Variants in KIRREL1 observed in about 807,000 individuals in gnomAD.
KIRREL1 encodes kirre like nephrin family adhesion molecule 1, also known as kin of IRRE-like protein 1.
Under a neutral mutation model 83.3 loss-of-function variants are expected in KIRREL1, and 25 were observed. The ratio of observed to expected loss-of-function variants is 0.30; its 90% CI spans 0.22 to 0.42. The LOEUF is 0.42. Ranked by LOEUF, KIRREL1 falls within the 10% of genes least tolerant of loss-of-function variation. The pLI is 1.00. For synonymous variants in KIRREL1, 388 were observed against 410.4 expected (o/e 0.95, Z 0.66); for missense variants, 812 against 1,032.3 (o/e 0.79, Z 2.92).
At chr1:158,052,875 C>T (rs1428366965) in intron 1 of KIRREL1, among the ~76,000 whole-genome samples, 1 of 152,132 alleles carries the variant, frequency 6.6e-6, no homozygotes, top group Non-Finnish European at 1.5e-5. Flanking sequence ...GAAGCTTTTA[C>T]TCATGGCAGA....
chr1:158,036,153 A>G (rs543402514), intron 1 of KIRREL1, among the ~76,000 whole-genome samples: 1 of 152,314 alleles, frequency 6.6e-6, no homozygotes, highest in South Asian at 2.1e-4. Flanking sequence ...TGACATTACA[A>G]TGCAAGTAGA....
chr1:158,039,679 T>C (rs192833599), intron 1 of KIRREL1, among the ~76,000 whole-genome samples: 1 of 152,342 alleles, frequency 6.6e-6, no homozygotes, highest in East Asian at 1.9e-4. Context: ...GCTCAGTTCT[T>C]TCCTTTTCCT....
intron 1 of KIRREL1, among the ~76,000 whole-genome samples, chr1:158,036,820 G>A (rs1238078562): frequency 2.6e-5 from 4 of 152,172 alleles, no homozygotes; most frequent in Non-Finnish European, 5.9e-5. Context: ...GTTTGGGGTG[G>A]ACAGCAAGCT....
chr1:158,027,724 T>G (rs1371045282), intron 1 of KIRREL1, among the ~76,000 whole-genome samples: 1 of 152,190 alleles, frequency 6.6e-6, no homozygotes, highest in Non-Finnish European at 1.5e-5. Context: ...CACAGGTGTG[T>G]GGGGAAAATT....
In KIRREL1 at chr1:158,016,731, G is replaced by A. The variant is rs545145645; in HGVS notation, c.52+23003G>A. Among the ~76,000 whole-genome samples, 15 of 152,298 alleles carry A rather than the reference G, an allele frequency of 9.8e-5. No homozygotes were observed. In the South Asian group the frequency reaches 3.1e-3, roughly 32 times the overall value. ...TGCCTGGGATTAAGATTTTTCCATG[G>A]TTAATCTCCAAAGTGAGGAACCTAC... On this transcript the variant is annotated intron_variant, in intron 1 of 14. Coordinates refer to ENST00000359209, the MANE Select transcript of KIRREL1 (RefSeq NM_018240.7).
chr1:158,068,961 G>A (rs1039763923), intron 1 of KIRREL1, among the ~76,000 whole-genome samples: 8 of 152,182 alleles, frequency 5.3e-5, no homozygotes, highest in African/African-American at 1.4e-4. Flanking sequence ...AGTGGAGAGC[G>A]TGGGGACTGC....
At chr1:158,084,115 G>A (rs1029689772) in intron 3 of KIRREL1, among the ~76,000 whole-genome samples, 7 of 152,106 alleles carry the variant, frequency 4.6e-5, no homozygotes, top group African/African-American at 1.7e-4. Context: ...GGGCGACAGA[G>A]TGACACTCCA....
At chr1:158,004,571 T>G (rs1425803252) in intron 1 of KIRREL1, among the ~76,000 whole-genome samples, 1 of 152,222 alleles carries the variant, frequency 6.6e-6, no homozygotes, top group Non-Finnish European at 1.5e-5. Flanking sequence ...AACAGAGTGA[T>G]AGCACCCACT....
intron 1 of KIRREL1, among the ~76,000 whole-genome samples, chr1:158,026,052 G>A (rs1571546776): frequency 6.6e-6 from 1 of 152,046 alleles, no homozygotes; most frequent in Non-Finnish European, 1.5e-5. Context: ...GGTGGGAGGG[G>A]GCACACCTAT....
chr1:158,095,110 C>T lies in KIRREL1; in HGVS notation c.2264C>T (p.Thr755Ile). The T allele has an allele frequency of 6.3e-7, 1 of 1,597,168 alleles. No homozygotes were observed. Residue 755 changes from threonine (T) to isoleucine (I), a missense_variant, in exon 15 of 15, where the codon ACT becomes ATT. By Grantham distance (89) the Thr-to-Ile change is moderately conservative. Around this residue, in one of 3 missense-constraint regions of KIRREL1, gnomAD observed 334 missense variants for 383.7 expected, o/e 0.87. Transcript: ENST00000359209. ...YGQRFQQRMQ[T>I]HV is the part of the protein sequence containing the mutation. The stretch of plus-strand genomic sequence containing the variant: ...CAGCGATTCCAGCAGCGCATGCAGA[C>T]TCACGTGTAGGGGCCAGAGCCTGGC...
chr1:157,996,028 A>C (rs1429825596), intron 1 of KIRREL1, among the ~76,000 whole-genome samples: 2 of 140,820 alleles, frequency 1.4e-5, no homozygotes, highest in Non-Finnish European at 3.0e-5. Context: ...TGGGGCAGTG[A>C]GAGAGGAAAC....
At chr1:158,043,337 T>A (rs1349941036) in intron 1 of KIRREL1, among the ~76,000 whole-genome samples, 2 of 151,960 alleles carry the variant, frequency 1.3e-5, no homozygotes, top group Non-Finnish European at 2.9e-5. Context: ...ATGGAAAGAG[T>A]GGCGTAAGAA....
Position 158,082,543 on chromosome 1 carries a change from C to T in KIRREL1, c.353-1879C>T, listed in dbSNP as rs868116931. Among the ~76,000 whole-genome samples, 3 of 152,210 alleles carry T rather than the reference C, an allele frequency of 2.0e-5. No homozygotes were observed. In the South Asian group the frequency reaches 6.2e-4, roughly 32 times the overall value. On this transcript the variant is annotated intron_variant, in intron 3 of 14. Coordinates refer to ENST00000359209, the MANE Select transcript of KIRREL1 (RefSeq NM_018240.7). ...CTTCATTGTGTAAATTCTAGAACAG[C>T]CCTGTCCACCACTGGGCACCGTGGG...
intron 1 of KIRREL1, among the ~76,000 whole-genome samples, chr1:158,043,697 C>T (rs1453376292): frequency 6.6e-6 from 1 of 152,138 alleles, no homozygotes; most frequent in Non-Finnish European, 1.5e-5. Context: ...TTTCTTGGGC[C>T]CCTGCTTAGG....
chr1:158,095,447 A>C lies in KIRREL1; in HGVS notation c.*327A>C. 4.1e-6 allele frequency: 1 copy of C among 245,764 alleles called. No individual in the cohort carries two copies. 15.2% of individuals were successfully genotyped at this position (245,764 alleles called of 1,614,324 possible). Reference sequence around the variant, plus strand: ...GGGCACTTTTTAGCATTCCCTTTCTATCCCACCCCTCTGATCTCCCATAAG... The same window carrying C: ...GGGCACTTTTTAGCATTCCCTTTCTCTCCCACCCCTCTGATCTCCCATAAG... On this transcript the variant is annotated 3_prime_UTR_variant, in exon 15 of 15. Transcript: ENST00000359209.
intron 1 of KIRREL1, among the ~76,000 whole-genome samples, chr1:158,011,399 A>G (rs1377971074): frequency 6.6e-6 from 1 of 152,134 alleles, no homozygotes; most frequent in African/African-American, 2.4e-5. Context: ...TCATCTGTAA[A>G]ATGGGCTGAA....
intron 3 of KIRREL1, 100 bp downstream of exon 3, chr1:158,078,240 C>G: frequency 7.6e-7 from 1 of 1,319,864 alleles, no homozygotes; most frequent in Non-Finnish European, 1.1e-6. Flanking sequence ...CCCAGCTTCT[C>G]CCTCTCTGTT....
At chr1:158,078,496 G>T (rs1045140855) in intron 3 of KIRREL1, among the ~76,000 whole-genome samples, 1 of 152,150 alleles carries the variant, frequency 6.6e-6, no homozygotes, top group African/African-American at 2.4e-5. Flanking sequence ...GTCCTGGCTG[G>T]CAGGCTTGTT....
chr1:158,083,307 A>T (rs1472279548), intron 3 of KIRREL1, among the ~76,000 whole-genome samples: 3 of 152,232 alleles, frequency 2.0e-5, no homozygotes, highest in African/African-American at 7.2e-5. Flanking sequence ...GATAACTGTT[A>T]TAAGTAAACA....
Sources: gnomAD v4.1 joint callset for allele counts (sites outside exome capture counted in the v4.1 genomes callset) on GRCh38, gnomAD v4.1.1 for gene constraint, gnomAD v4.1.1 regional missense constraint, MANE v1.5 for transcripts, NCBI Gene and HGNC (gene_info 2026-07-23, HGNC 2026-07-21) for gene names.